The following ZNF592 variants were observed in gnomAD, a reference collection of about 807,000 sequenced individuals.
ZNF592 encodes zinc finger protein 592.
ZNF592 carries 11 observed loss-of-function variants against 80.3 expected under a neutral mutation model. The ratio of observed to expected loss-of-function variants is 0.14; its 90% confidence interval spans 0.09 to 0.23. The LOEUF is 0.23. Among genes scored for constraint, ZNF592 ranks in the 10% least tolerant of loss-of-function variants. The pLI, the probability that ZNF592 is intolerant of heterozygous loss-of-function variation, is 1.00. For synonymous variants in ZNF592, 646 were observed against 640.3 expected (o/e 1.01, Z -0.13); for missense variants, 1,420 against 1,633.9 (o/e 0.87, Z 2.26).
intron 1 of ZNF592, among the ~76,000 whole-genome samples, chr15:84,749,410 C>T (rs1898947608): frequency 6.6e-6 from 1 of 152,148 alleles, no homozygotes; most frequent in African/African-American, 2.4e-5. Flanking sequence ...TCCGTATGAC[C>T]TTAGGTATGC....
In ZNF592 at chr15:84,778,250, C is replaced by T; in HGVS notation, c.-82C>T. ...AGGAAGACGCTCCCCCGTACGGAGA[C>T]AGAGGGAGGGGGGGCTCCAAAGCCG... is the stretch of plus-strand genomic sequence containing the variant. On this transcript the variant is annotated 5_prime_UTR_variant, in exon 3 of 11. Transcript: ENST00000560079. The T allele has an allele frequency of 3.7e-6, 1 of 270,572 alleles. No homozygotes were observed. The highest frequency in any genetic ancestry group is 7.3e-6 in the Non-Finnish European group (1 of 137,286). The allele number at this position is 270,572 out of a possible 1,614,324, so 16.8% of individuals were successfully genotyped here.
At chr15:84,779,114 G>T (rs907950852) in intron 3 of ZNF592, among the ~76,000 whole-genome samples, 1 of 152,182 alleles carries the variant, frequency 6.6e-6, no homozygotes, top group African/African-American at 2.4e-5. Context: ...GAAAGAGGAG[G>T]TCCCTCTATA....
intron 1 of ZNF592, among the ~76,000 whole-genome samples, chr15:84,761,564 A>G (rs1567060159): frequency 6.6e-6 from 1 of 152,120 alleles, no homozygotes; most frequent in East Asian, 1.9e-4. Flanking sequence ...GGTGGGGTGT[A>G]AGTAGGAGAA....
intron 5 of ZNF592, among the ~76,000 whole-genome samples, chr15:84,793,323 T>C (rs1228330800): frequency 6.6e-6 from 1 of 152,138 alleles, no homozygotes; most frequent in Non-Finnish European, 1.5e-5. Context: ...GTGATCCACC[T>C]GGCTTGGCCT....
intron 5 of ZNF592, among the ~76,000 whole-genome samples, chr15:84,792,145 A>G (rs560796515): frequency 6.6e-6 from 1 of 152,258 alleles, no homozygotes; most frequent in Admixed American, 6.5e-5. Flanking sequence ...GCTTCACTGA[A>G]GGCATGATCG....
At chr15:84,755,512 AC>A (rs1235181697) in intron 1 of ZNF592, among the ~76,000 whole-genome samples, 1 of 151,822 alleles carries the variant, frequency 6.6e-6, no homozygotes, top group African/African-American at 2.4e-5. Context: ...TCCAGAGAAC[AC>A]GAGACCTACA....
chr15:84,752,419 C>T (rs950514618), intron 1 of ZNF592, among the ~76,000 whole-genome samples: 3 of 152,180 alleles, frequency 2.0e-5, no homozygotes, highest in Admixed American at 1.3e-4. Context: ...AATGAAATCC[C>T]TGGGTAAATA....
Position 84,748,671 on chromosome 15 carries a change from G to C in ZNF592, c.-259+7G>C, listed in dbSNP as rs1898917582. The C allele has an allele frequency of 6.7e-6, 1 of 148,178 alleles. No homozygotes were observed. Among genetic ancestry groups the C allele is most frequent in the East Asian group, 2.0e-4 (1 of 5,118 alleles). 9.2% of individuals were successfully genotyped at this position (148,178 alleles called of 1,614,324 possible). The stretch of plus-strand genomic sequence containing the variant: ...TCGCCGCCGCCGCCGCCAGGTAAGC[G>C]CCCCCCGCGGGCCGGGCCGAGCGGG... On this transcript the variant is annotated splice_region_variant and intron_variant, in intron 1 of 10. Coordinates refer to ENST00000560079, the MANE Select transcript of ZNF592 (RefSeq NM_014630.3).
At position 84,805,276 on chromosome 15, in the gene ZNF592, C is replaced by A. The variant is rs1375254838; in HGVS notation, c.*2883C>A. On this transcript the variant is annotated 3_prime_UTR_variant, in exon 11 of 11. Transcript: ENST00000560079. ...GGACTGTCTAGAAAAGGTTGCCTAA[C>A]CCTCACAGGGAACACACAGTTCCCT... 6.6e-6 allele frequency: 1 copy of A among 152,252 alleles called. No individual in the cohort carries two copies. Among genetic ancestry groups the A allele is most frequent in the Non-Finnish European group, 1.5e-5 (1 of 68,050 alleles). 9.4% of individuals were successfully genotyped at this position (152,252 alleles called of 1,614,324 possible). A position where few individuals can be genotyped will look rare whatever the true frequency, so the allele number is the denominator to read the frequency against.
intron 1 of ZNF592, among the ~76,000 whole-genome samples, chr15:84,752,369 C>G (rs1899038748): frequency 6.6e-6 from 1 of 152,204 alleles, no homozygotes; most frequent in East Asian, 1.9e-4. Flanking sequence ...CTTAAGTTCT[C>G]TAGCACAGTT....
intron 1 of ZNF592, among the ~76,000 whole-genome samples, chr15:84,764,139 C>T (rs898244611): frequency 1.4e-4 from 22 of 152,180 alleles, no homozygotes; most frequent in African/African-American, 5.1e-4. Context: ...TCAGCTTCAG[C>T]GGGCATCCCG....
intron 4 of ZNF592, among the ~76,000 whole-genome samples, chr15:84,789,048 T>G (rs1962664617): frequency 6.9e-6 from 1 of 144,980 alleles, no homozygotes; most frequent in Non-Finnish European, 1.5e-5. Context: ...CTGTCTCTAT[T>G]TAAAAAAAAA....
chr15:84,760,643 G>A (rs1258214384), intron 1 of ZNF592, among the ~76,000 whole-genome samples: 1 of 152,214 alleles, frequency 6.6e-6, no homozygotes, highest in African/African-American at 2.4e-5. Context: ...TGCGGTGTGT[G>A]TGTGGTGTAG....
At chr15:84,782,118 A>G (rs1315222181) in intron 3 of ZNF592, among the ~76,000 whole-genome samples, 1 of 152,210 alleles carries the variant, frequency 6.6e-6, no homozygotes, top group Admixed American at 6.5e-5. Flanking sequence ...AATTTTCTAG[A>G]GTTTATTCAT....
Position 84,800,110 on chromosome 15 carries a change from A to G in ZNF592, c.3273+133A>G. 2.9e-6 allele frequency: 4 copies of G among 1,393,800 alleles called. No individual in the cohort carries two copies. The South Asian group carries it at 4.7e-5, about 16-fold the overall frequency. 86.3% of individuals were successfully genotyped at this position (1,393,800 alleles called of 1,614,324 possible). On this transcript the variant is annotated intron_variant, in intron 10 of 10. Coordinates refer to ENST00000560079, the MANE Select transcript of ZNF592 (RefSeq NM_014630.3). ...CTTCCCTCAATGTGGGTCACTCTCT[A>G]GTCCTGTGTGACCCGCCTGGCACTG... is the stretch of plus-strand genomic sequence containing the variant.
At chr15:84,757,339 CTT>C (rs34466288) in intron 1 of ZNF592, among the ~76,000 whole-genome samples, 3,755 of 120,728 alleles carry the variant, frequency 0.031, 48 homozygotes, top group Non-Finnish European at 0.032. Context: ...TCTTTCTTTC[CTT>C]TTTTTTTTTT....
chr15:84,756,830 T>TGG (rs1899186445), intron 1 of ZNF592, among the ~76,000 whole-genome samples: 1 of 152,076 alleles, frequency 6.6e-6, no homozygotes, highest in Non-Finnish European at 1.5e-5. Context: ...AATTTTTTTT[T>TGG]GCTAGGCACA....
rs953572176 is a variant in ZNF592, at chr15:84,805,299, C to G, written c.*2906C>G. ...AACCCTCACAGGGAACACACAGTTC[C>G]CTCAGAGTCCAGCATCTTCTGGTCT... On this transcript the variant is annotated 3_prime_UTR_variant, in exon 11 of 11. Coordinates refer to ENST00000560079, the MANE Select transcript of ZNF592 (RefSeq NM_014630.3). 6.6e-6 allele frequency: 1 copy of G among 152,170 alleles called. No homozygotes were observed. Among genetic ancestry groups the G allele is most frequent in the African/African-American group, 2.4e-5 (1 of 41,450 alleles). 9.4% of individuals were successfully genotyped at this position (152,170 alleles called of 1,614,324 possible).
At chr15:84,801,571 A>G (rs1242926444) in intron 10 of ZNF592, among the ~76,000 whole-genome samples, 2 of 152,250 alleles carry the variant, frequency 1.3e-5, no homozygotes, top group African/African-American at 2.4e-5. Flanking sequence ...TTGTATAGGC[A>G]TAGGATACCT....
Sources: allele counts gnomAD v4.1 joint callset (sites outside exome capture counted in the v4.1 genomes callset), GRCh38; gene constraint gnomAD v4.1.1; transcripts MANE v1.5; gene names NCBI Gene and HGNC (gene_info 2026-07-23, HGNC 2026-07-21).